The following MARCHF3 variants were observed in gnomAD, a reference collection of about 807,000 sequenced individuals.
The protein encoded by MARCHF3 is membrane associated ring-CH-type finger 3, also known as E3 ubiquitin-protein ligase MARCHF3.
A neutral mutation model predicts 24.2 loss-of-function variants in MARCHF3; 13 were observed. That is an observed-to-expected ratio of 0.54 (90% CI 0.35 to 0.85). The LOEUF (loss-of-function observed/expected upper bound fraction) is 0.85, where lower values mean the gene tolerates loss of function less well. Ranked by LOEUF, MARCHF3 falls within the 40% of genes least tolerant of loss-of-function variation. MARCHF3 has a pLI of 0.01. For synonymous variants in MARCHF3, 144 were observed against 137.3 expected, an observed-to-expected ratio of 1.05 and a Z score of -0.34; for missense variants, 276 against 325.0, an observed-to-expected ratio of 0.85 and a Z score of 1.16.
At chr5:126,885,397 A>G (rs955792577) in intron 3 of MARCHF3, among the ~76,000 whole-genome samples, 4 of 151,948 alleles carry the variant, frequency 2.6e-5, no homozygotes, top group Non-Finnish European at 5.9e-5. Context: ...GTAAAACCCC[A>G]TCTCTACTAA....
intron 1 of MARCHF3, among the ~76,000 whole-genome samples, chr5:126,974,735 A>G (rs535946746): frequency 4.0e-4 from 61 of 152,346 alleles, no homozygotes; most frequent in South Asian, 1.0e-3. Flanking sequence ...TACTCAGACA[A>G]TAAGAAAGTA....
chr5:126,875,161 C>G (rs975255410), intron 4 of MARCHF3, among the ~76,000 whole-genome samples: 1 of 152,202 alleles, frequency 6.6e-6, no homozygotes, highest in Non-Finnish European at 1.5e-5. Flanking sequence ...CTACGGGTTT[C>G]AAATCACTTG....
intron 1 of MARCHF3, among the ~76,000 whole-genome samples, chr5:126,980,676 T>C (rs536750969): frequency 6.6e-6 from 1 of 152,230 alleles, no homozygotes; most frequent in African/African-American, 2.4e-5. Context: ...GCCTCAAATA[T>C]TTTTTAAAAC....
chr5:127,023,931 T>A (rs1752909336), intron 1 of MARCHF3, among the ~76,000 whole-genome samples: 1 of 152,118 alleles, frequency 6.6e-6, no homozygotes, highest in South Asian at 2.1e-4. Flanking sequence ...CTGCATTGGA[T>A]GACAAAAGGA....
intron 3 of MARCHF3, chr5:126,898,799 C>G (rs1754009512): frequency 1.1e-6 from 1 of 951,498 alleles, no homozygotes; most frequent in Non-Finnish European, 1.3e-6. Flanking sequence ...TTGAACCTCA[C>G]TACTTATTCC....
intron 1 of MARCHF3, among the ~76,000 whole-genome samples, chr5:127,027,575 G>T (rs568665100): frequency 6.6e-6 from 1 of 152,238 alleles, no homozygotes; most frequent in East Asian, 1.9e-4. Context: ...TGTGGGGTGG[G>T]TCTTAAATTC....
intron 1 of MARCHF3, among the ~76,000 whole-genome samples, chr5:127,029,154 G>A (rs1299448391): frequency 6.6e-6 from 1 of 152,108 alleles, no homozygotes; most frequent in East Asian, 1.9e-4. Context: ...GTGACCCAAG[G>A]GAAGTTCAAG....
At chr5:126,987,318 G>A (rs1448610383) in intron 1 of MARCHF3, among the ~76,000 whole-genome samples, 5 of 152,110 alleles carry the variant, frequency 3.3e-5, no homozygotes, top group South Asian at 2.1e-4. Flanking sequence ...CATTTGATAC[G>A]AGGGTAAATC....
intron 3 of MARCHF3, among the ~76,000 whole-genome samples, chr5:126,886,311 A>T (rs1463395038): frequency 6.6e-6 from 1 of 152,176 alleles, no homozygotes; most frequent in African/African-American, 2.4e-5. Flanking sequence ...CACACTACAT[A>T]AAATCTTGAT....
chr5:126,892,621 G>A (rs1580608088), intron 3 of MARCHF3, among the ~76,000 whole-genome samples: 1 of 149,888 alleles, frequency 6.7e-6, no homozygotes, highest in South Asian at 2.1e-4. Flanking sequence ...AACCAACCTT[G>A]CATCCCAGGG....
chr5:126,922,533 T>C (rs1275588489), intron 1 of MARCHF3, among the ~76,000 whole-genome samples: 1 of 149,926 alleles, frequency 6.7e-6, no homozygotes, highest in Non-Finnish European at 1.5e-5. Flanking sequence ...TATTTATTTA[T>C]TTATTTATTT....
At chr5:126,877,253 C>T (rs901612419) in intron 4 of MARCHF3, among the ~76,000 whole-genome samples, 8 of 152,260 alleles carry the variant, frequency 5.3e-5, no homozygotes, top group African/African-American at 1.9e-4. Context: ...GCAGCTTCCA[C>T]ATGCTGACAC....
intron 1 of MARCHF3, among the ~76,000 whole-genome samples, chr5:126,980,246 C>T (rs1223745904): frequency 6.6e-6 from 1 of 152,062 alleles, no homozygotes; most frequent in East Asian, 1.9e-4. Context: ...CATGTGGGAG[C>T]CCTAATCCAT....
At chr5:127,025,328 A>C (rs921758540) in intron 1 of MARCHF3, among the ~76,000 whole-genome samples, 2 of 151,648 alleles carry the variant, frequency 1.3e-5, no homozygotes, top group Non-Finnish European at 2.9e-5. Context: ...AAAAAAAAGA[A>C]AGAAACTAAC....
chr5:126,963,341 CAT>C (rs1401660675), intron 1 of MARCHF3, among the ~76,000 whole-genome samples: 1 of 152,020 alleles, frequency 6.6e-6, no homozygotes, highest in Admixed American at 6.6e-5. Flanking sequence ...AATTATACAT[CAT>C]GTTTGTTATT....
At chr5:126,921,473 G>A (rs1027354341) in intron 1 of MARCHF3, among the ~76,000 whole-genome samples, 67 of 152,262 alleles carry the variant, frequency 4.4e-4, no homozygotes, top group African/African-American at 1.4e-3. Context: ...GTTGCACCTG[G>A]GGCAGTGACA....
chr5:126,973,876 T>A (rs1751101602), intron 1 of MARCHF3, among the ~76,000 whole-genome samples: 1 of 133,992 alleles, frequency 7.5e-6, no homozygotes, highest in South Asian at 2.4e-4. Context: ...TTAAGCAAAA[T>A]CTATTTTTTT....
chr5:127,013,423 G>A (rs527407873), intron 1 of MARCHF3, among the ~76,000 whole-genome samples: 1 of 152,232 alleles, frequency 6.6e-6, no homozygotes, highest in East Asian at 1.9e-4. Context: ...AGCTTACATA[G>A]ACCATGTACC....
chr5:126,981,019 C>A (rs982442858), intron 1 of MARCHF3, among the ~76,000 whole-genome samples: 2 of 152,164 alleles, frequency 1.3e-5, no homozygotes, highest in Non-Finnish European at 2.9e-5. Flanking sequence ...CTTTGTGCTG[C>A]ACAAAGAATC....
Sources: allele counts gnomAD v4.1 joint callset (sites outside exome capture counted in the v4.1 genomes callset), GRCh38; gene constraint gnomAD v4.1.1; transcripts MANE v1.5; gene names NCBI Gene and HGNC (gene_info 2026-07-23, HGNC 2026-07-21).